Variants in RELN observed in about 807,000 individuals in gnomAD.
The protein encoded by RELN is reelin.
Under a neutral mutation model 427.6 loss-of-function variants are expected in RELN, and 108 were observed. That is an observed-to-expected ratio of 0.25 (90% confidence interval 0.22 to 0.30). The LOEUF (loss-of-function observed/expected upper bound fraction) is 0.30. RELN is among the 10% of genes least tolerant of loss of function. The probability of loss-of-function intolerance (pLI) is 1.00; values close to 1 mark genes in which losing one functional copy is unlikely to be tolerated. For synonymous variants in RELN, 1,524 were observed against 1,513.4 expected (o/e 1.01, Z -0.16); for missense variants, 3,715 against 4,302.8 (o/e 0.86, Z 3.82).
chr7:103,856,258 A>C (rs759666166), intron 2 of RELN, among the ~76,000 whole-genome samples: 9 of 152,154 alleles, frequency 5.9e-5, no homozygotes, highest in Non-Finnish European at 1.3e-4. Flanking sequence ...AATAGACAGC[A>C]GCAGTGGGAG....
chr7:103,932,528 CT>C (rs1177480539), intron 1 of RELN, among the ~76,000 whole-genome samples: 3 of 152,174 alleles, frequency 2.0e-5, no homozygotes, highest in Non-Finnish European at 4.4e-5. Context: ...ACGTGTACCC[CT>C]GAACCTAAAA....
At chr7:103,672,688 G>T (rs76399689) in intron 11 of RELN, among the ~76,000 whole-genome samples, 10,708 of 151,872 alleles carry the variant, frequency 0.071, 509 homozygotes, top group East Asian at 0.16. Flanking sequence ...GAGAATGATT[G>T]AGGTTTCACT....
At chr7:103,922,813 G>A (rs185998698) in intron 1 of RELN, among the ~76,000 whole-genome samples, 47 of 152,144 alleles carry the variant, frequency 3.1e-4, no homozygotes, top group South Asian at 2.1e-3. Flanking sequence ...GTCTACAAAT[G>A]CTCTATGGTC....
In RELN at chr7:103,865,282, A is replaced by C. The variant is rs1794171947; in HGVS notation, c.338-31610T>G. 2.0e-5 allele frequency among the ~76,000 whole-genome samples: 3 copies of C among 152,256 alleles called. No individual in the cohort carries two copies. In the South Asian group the frequency reaches 6.2e-4, roughly 31 times the overall value. On this transcript the variant is annotated intron_variant, in intron 2 of 64. Coordinates refer to ENST00000428762, the MANE Select transcript of RELN (RefSeq NM_005045.4). The stretch of plus-strand genomic sequence containing the variant: ...AATTAAAAAATTTCACAATGAAGAA[A>C]ATCACAGGACCAGATGGATTCACTG...
chr7:103,690,762 A>G (rs945402323), intron 10 of RELN, among the ~76,000 whole-genome samples: 3 of 152,116 alleles, frequency 2.0e-5, no homozygotes, highest in Non-Finnish European at 2.9e-5. Context: ...TTGTAGCACT[A>G]TATTTATTGG....
chr7:103,703,546 A>T (rs1451741080), intron 8 of RELN, among the ~76,000 whole-genome samples: 1 of 152,172 alleles, frequency 6.6e-6, no homozygotes, highest in Non-Finnish European at 1.5e-5. Flanking sequence ...TTAGGGAGTG[A>T]GGAGGGAATG....
intron 57 of RELN, among the ~76,000 whole-genome samples, chr7:103,493,122 C>T (rs1828722442): frequency 6.6e-6 from 1 of 152,010 alleles, no homozygotes; most frequent in Non-Finnish European, 1.5e-5. Flanking sequence ...ATCAATCTGA[C>T]CATGATGTCA....
chr7:103,750,308 C>T (rs1225246870), intron 5 of RELN, among the ~76,000 whole-genome samples: 1 of 152,138 alleles, frequency 6.6e-6, no homozygotes, highest in African/African-American at 2.4e-5. Context: ...GGGGCATTTC[C>T]CTCTTTTGCT....
chr7:103,978,314 T>C (rs1428249016), intron 1 of RELN, among the ~76,000 whole-genome samples: 1 of 151,642 alleles, frequency 6.6e-6, no homozygotes, highest in Non-Finnish European at 1.5e-5. Flanking sequence ...AGTGAAATCA[T>C]GTGATATTTG....
At chr7:103,884,016 A>G (rs1794668349) in intron 2 of RELN, among the ~76,000 whole-genome samples, 1 of 152,152 alleles carries the variant, frequency 6.6e-6, no homozygotes, top group African/African-American at 2.4e-5. Flanking sequence ...GTATGATACT[A>G]CCTAACTTCA....
At chr7:103,676,501 A>T (rs1833528180) in intron 11 of RELN, among the ~76,000 whole-genome samples, 1 of 152,218 alleles carries the variant, frequency 6.6e-6, no homozygotes, top group African/African-American at 2.4e-5. Flanking sequence ...AAGGATCTAG[A>T]ACTAGAAATA....
Position 103,503,175 on chromosome 7 carries a change from T to C in RELN, c.8330A>G (p.Gln2777Arg), listed in dbSNP as rs1829092247. 6.2e-7 allele frequency: 1 copy of C among 1,614,108 alleles called. No homozygotes were observed. The highest frequency in any genetic ancestry group is 1.3e-5 in the African/African-American group (1 of 74,950). ...EKIAQNQIHV[Q>R]YSTDFGVSWN... Reference sequence around the variant, plus strand: ...ACTCACACCGAAGTCAGTAGAATACTGCACATGAATTTGATTCTGGGCAAT... The same window carrying C: ...ACTCACACCGAAGTCAGTAGAATACCGCACATGAATTTGATTCTGGGCAAT... Residue 2777 changes from glutamine (Q) to arginine (R), a missense_variant, in exon 52 of 65, where the codon CAG (glutamine) becomes CGG (arginine). Physicochemically the swap from Gln to Arg is conservative, Grantham distance 43 (BLOSUM62 1). Around this residue, in one of 4 missense-constraint regions of RELN, gnomAD observed 1,310 missense variants for 1,643.0 expected, o/e 0.80. Transcript: ENST00000428762.
intron 4 of RELN, among the ~76,000 whole-genome samples, chr7:103,762,441 G>A (rs1417191191): frequency 1.3e-5 from 2 of 152,202 alleles, no homozygotes; most frequent in South Asian, 4.1e-4. Flanking sequence ...TTTCCCATGG[G>A]TGAGGAAAGG....
At chr7:103,818,574 T>A (rs1290384505) in intron 3 of RELN, among the ~76,000 whole-genome samples, 3 of 152,202 alleles carry the variant, frequency 2.0e-5, no homozygotes, top group African/African-American at 7.2e-5. Context: ...TTTTATCAGG[T>A]TGACTTCATA....
intron 2 of RELN, among the ~76,000 whole-genome samples, chr7:103,888,132 A>G (rs947731328): frequency 2.6e-5 from 4 of 152,102 alleles, no homozygotes; most frequent in African/African-American, 9.7e-5. Flanking sequence ...CTCATCCTCC[A>G]GTCTGTCTCA....
Position 103,839,598 on chromosome 7 carries a change from C to T in RELN, c.338-5926G>A, listed in dbSNP as rs10247304. ...TAAACTAACATCTTAAATAAAGCAG[C>T]TAGAAAAGAAGTAAGTGCTACTTGG... is the stretch of plus-strand genomic sequence containing the variant. On this transcript the variant is annotated intron_variant, in intron 2 of 64. Coordinates refer to ENST00000428762, the MANE Select transcript of RELN (RefSeq NM_005045.4). Among the ~76,000 whole-genome samples, 446 of 152,016 alleles carry T rather than the reference C, an allele frequency of 2.9e-3. 6 individuals are homozygous for T. The highest frequency in any genetic ancestry group is 0.01 in the African/African-American group (427 of 41,452).
Position 103,824,586 on chromosome 7 carries a change from T to C in RELN, c.473+8951A>G, listed in dbSNP as rs1793085472. Among the ~76,000 whole-genome samples the C allele has an allele frequency of 1.3e-5, 2 of 151,226 alleles. No individual in the cohort carries two copies. Among genetic ancestry groups the C allele is most frequent in the Admixed American group, 1.3e-4 (2 of 15,090 alleles). On this transcript the variant is annotated intron_variant, in intron 3 of 64. Transcript: ENST00000428762. This position sits in a 1 kb window ranked among gnomAD's most constrained non-coding sequence, Gnocchi z 4.4. ...CTTGACCCAGCTTTGATATGTCTCC[T>C]TTCTTCTGGAAACCAGTGTTTTCAC... is the stretch of plus-strand genomic sequence containing the variant.
At chr7:103,826,771 T>C (rs1793152286) in intron 3 of RELN, among the ~76,000 whole-genome samples, 1 of 152,120 alleles carries the variant, frequency 6.6e-6, no homozygotes, top group East Asian at 1.9e-4. Flanking sequence ...TTATAACAGA[T>C]AAATATTTTA....
intron 8 of RELN, among the ~76,000 whole-genome samples, chr7:103,710,043 A>C (rs912213149): frequency 6.6e-6 from 1 of 152,232 alleles, no homozygotes; most frequent in East Asian, 1.9e-4. Context: ...ATATTTATCA[A>C]TGTAACAAAT....
Sources: gnomAD v4.1 joint callset for allele counts (sites outside exome capture counted in the v4.1 genomes callset) on GRCh38, gnomAD v4.1.1 for gene constraint, gnomAD v4.1.1 regional missense constraint, Gnocchi (gnomAD v3.1) non-coding constraint, MANE v1.5 for transcripts, NCBI Gene and HGNC (gene_info 2026-07-23, HGNC 2026-07-21) for gene names.